LRMDA: variants seen among roughly 807,000 people sequenced by gnomAD.
LRMDA encodes the protein leucine-rich melanocyte differentiation-associated protein.
In LRMDA, 18 loss-of-function variants were observed where a neutral mutation model predicts 29.8. That is an observed-to-expected ratio of 0.60 (90% CI 0.42 to 0.90). The LOEUF is 0.90. Ranked by LOEUF, LRMDA falls within the 40% of genes least tolerant of loss-of-function variation. The probability of loss-of-function intolerance (pLI) is 0.00; values close to 1 mark genes in which losing one functional copy is unlikely to be tolerated. For missense variants in LRMDA, 273 were observed against 273.9 expected, an observed-to-expected ratio of 1.00 and a Z score of 0.02; for synonymous variants, 125 against 109.4, an observed-to-expected ratio of 1.14 and a Z score of -0.89.
intron 2 of LRMDA, among the ~76,000 whole-genome samples, chr10:75,619,090 C>T (rs915191367): frequency 2.6e-5 from 4 of 152,076 alleles, no homozygotes; most frequent in Non-Finnish European, 4.4e-5. Flanking sequence ...AGCCACTGCA[C>T]CCGGCCGAAA....
At chr10:75,949,018 AATGTGTGTGTGTGC>A (rs1226524759) in intron 2 of LRMDA, among the ~76,000 whole-genome samples, 2 of 151,656 alleles carry the variant, frequency 1.3e-5, no homozygotes, top group African/African-American at 2.4e-5. Flanking sequence ...GTGTGTGTAA[AATGTGTGTGTGTGC>A]ATGTGTGTGT....
chr10:75,850,777 G>A (rs1844718871), intron 2 of LRMDA, among the ~76,000 whole-genome samples: 1 of 152,144 alleles, frequency 6.6e-6, no homozygotes, highest in Non-Finnish European at 1.5e-5. Flanking sequence ...GGGGCCTTGG[G>A]AGCAGAGGAA....
At chr10:76,451,821 C>A (rs1842410123) in intron 6 of LRMDA, among the ~76,000 whole-genome samples, 1 of 151,780 alleles carries the variant, frequency 6.6e-6, no homozygotes, top group African/African-American at 2.4e-5. Flanking sequence ...CCACACCCAG[C>A]AAATTTTGTA....
chr10:76,015,870 AG>A (rs1414635818), intron 2 of LRMDA, among the ~76,000 whole-genome samples: 1 of 152,218 alleles, frequency 6.6e-6, no homozygotes, highest in Admixed American at 6.5e-5. Flanking sequence ...TTTCTTAAAG[AG>A]GTTACACAAA....
intron 2 of LRMDA, among the ~76,000 whole-genome samples, chr10:75,534,699 T>C (rs544992026): frequency 1.3e-5 from 2 of 152,350 alleles, no homozygotes; most frequent in South Asian, 4.1e-4. Flanking sequence ...TGATGGCTGA[T>C]AGACAGAAAA....
At chr10:75,718,959 G>A (rs569413850) in intron 2 of LRMDA, among the ~76,000 whole-genome samples, 16 of 152,210 alleles carry the variant, frequency 1.1e-4, no homozygotes, top group African/African-American at 3.6e-4. Context: ...TGTTAATTTC[G>A]GTTATATGAC....
At chr10:75,833,055 G>A (rs1271846563) in intron 2 of LRMDA, among the ~76,000 whole-genome samples, 1 of 152,134 alleles carries the variant, frequency 6.6e-6, no homozygotes. Flanking sequence ...TCATTTTAAA[G>A]TATGTTGTCC....
intron 2 of LRMDA, among the ~76,000 whole-genome samples, chr10:75,597,087 G>C (rs1023927201): frequency 2.6e-5 from 4 of 151,560 alleles, no homozygotes; most frequent in African/African-American, 7.3e-5. Flanking sequence ...TTTGGCTAGA[G>C]AGTTTTTGTT....
At chr10:75,819,491 A>G (rs555463385) in intron 2 of LRMDA, among the ~76,000 whole-genome samples, 63 of 152,330 alleles carry the variant, frequency 4.1e-4, no homozygotes, top group African/African-American at 1.3e-3. Flanking sequence ...CTAGAGTTCA[A>G]TTGCTCTCCT....
chr10:76,115,688 A>G (rs1182657054), intron 5 of LRMDA, among the ~76,000 whole-genome samples: 1 of 152,194 alleles, frequency 6.6e-6, no homozygotes, highest in African/African-American at 2.4e-5. Context: ...AGAGATGGTA[A>G]CAGTATCCAG....
chr10:75,776,558 T>C (rs1230445359), intron 2 of LRMDA, among the ~76,000 whole-genome samples: 1 of 152,242 alleles, frequency 6.6e-6, no homozygotes, highest in African/African-American at 2.4e-5. Context: ...ATCCCTGTAA[T>C]ATTTTCAGTG....
chr10:75,818,533 C>A (rs1053018252), intron 2 of LRMDA, among the ~76,000 whole-genome samples: 1 of 152,200 alleles, frequency 6.6e-6, no homozygotes, highest in Non-Finnish European at 1.5e-5. Flanking sequence ...ATCACAGAGT[C>A]TCAGTTTTGA....
intron 5 of LRMDA, chr10:76,270,735 A>AAAGAACAG (rs1840058853): frequency 6.6e-6 from 1 of 152,232 alleles, no homozygotes. Flanking sequence ...CAGCATTAAA[A>AAAGAACAG]AAGAACAGAG....
In LRMDA at chr10:75,571,100, GC is replaced by G. The variant is rs1352866490; in HGVS notation, c.131+132607del. 2.6e-5 allele frequency among the ~76,000 whole-genome samples: 4 copies of G among 152,236 alleles called. No homozygotes were observed. The East Asian group carries it at 7.7e-4, about 29-fold the overall frequency. On this transcript the variant is annotated intron_variant, in intron 2 of 6. Coordinates refer to ENST00000611255, the MANE Select transcript of LRMDA (RefSeq NM_001305581.2). ...TGCATAATTTGACCCCATGGTTTGG[GC>G]TACTGCATGGGAGGTGTTCAGATCT...
chr10:75,807,820 A>G (rs1355546089), intron 2 of LRMDA, among the ~76,000 whole-genome samples: 1 of 152,230 alleles, frequency 6.6e-6, no homozygotes, highest in Non-Finnish European at 1.5e-5. Context: ...GTGTAAACAG[A>G]GGCATGTCAT....
At chr10:76,127,262 G>A (rs560253089) in intron 5 of LRMDA, among the ~76,000 whole-genome samples, 7 of 152,244 alleles carry the variant, frequency 4.6e-5, no homozygotes, top group South Asian at 2.1e-4. Context: ...ATATATGTGC[G>A]CAAATATTTA....
Position 76,284,754 on chromosome 10 carries a change from G to A in LRMDA, c.517-39647G>A, listed in dbSNP as rs184341113. ...GGTAGGGACCCAGCGGGAGGTAATTGAATCTTGAGGGTGGATTTTTCCCAT... is the reference window on the plus strand; with the variant it reads ...GGTAGGGACCCAGCGGGAGGTAATTAAATCTTGAGGGTGGATTTTTCCCAT... On this transcript the variant is annotated intron_variant, in intron 5 of 6. Coordinates refer to ENST00000611255, the MANE Select transcript of LRMDA (RefSeq NM_001305581.2). Among the ~76,000 whole-genome samples, 326 of 152,204 alleles carry A rather than the reference G, an allele frequency of 2.1e-3. 2 individuals carry two copies. Among genetic ancestry groups the A allele is most frequent in the Non-Finnish European group, 3.7e-3 (251 of 68,002 alleles).
chr10:76,112,531 G>A (rs1849597849), intron 5 of LRMDA, among the ~76,000 whole-genome samples: 2 of 152,242 alleles, frequency 1.3e-5, no homozygotes, highest in South Asian at 4.1e-4. Flanking sequence ...GCTGTGCAGC[G>A]CCTGACCCCA....
At chr10:75,737,345 G>T (rs895283511) in intron 2 of LRMDA, among the ~76,000 whole-genome samples, 2 of 152,202 alleles carry the variant, frequency 1.3e-5, no homozygotes, top group African/African-American at 4.8e-5. Context: ...AAGTTTCCCT[G>T]GCATTCCCTG....
Sources: allele counts gnomAD v4.1 joint callset (sites outside exome capture counted in the v4.1 genomes callset), GRCh38; gene constraint gnomAD v4.1.1; transcripts MANE v1.5; gene names NCBI Gene and HGNC (gene_info 2026-07-23, HGNC 2026-07-21).